The following ZNF536 variants were observed in gnomAD, a reference collection of about 807,000 sequenced individuals.
ZNF536 encodes the protein zinc finger protein 536.
In ZNF536, 13 loss-of-function variants were observed where a neutral mutation model predicts 84.5. The ratio of observed to expected loss-of-function variants is 0.15; its 90% confidence interval spans 0.10 to 0.24. ZNF536 has a LOEUF of 0.24. Among genes scored for constraint, ZNF536 ranks in the 10% least tolerant of loss-of-function variants. The pLI is 1.00. For missense variants in ZNF536, 1,536 were observed against 1,747.5 expected, an observed-to-expected ratio of 0.88 and a Z score of 2.16; for synonymous variants, 811 against 742.5, an observed-to-expected ratio of 1.09 and a Z score of -1.50.
At chr19:30,489,183 A>G (rs1367267414) in intron 2 of ZNF536, among the ~76,000 whole-genome samples, 1 of 152,206 alleles carries the variant, frequency 6.6e-6, no homozygotes, top group Admixed American at 6.5e-5. Flanking sequence ...GGGGAGCTCA[A>G]TTCAACAGGG....
At chr19:30,416,793 C>T (rs1028077033) in intron 1 of ZNF536, among the ~76,000 whole-genome samples, 1 of 152,084 alleles carries the variant, frequency 6.6e-6, no homozygotes, top group Non-Finnish European at 1.5e-5. Context: ...TTAGGTGATT[C>T]ATATTCTTAG....
chr19:30,511,170 G>C (rs565844539), intron 2 of ZNF536, among the ~76,000 whole-genome samples: 1 of 152,136 alleles, frequency 6.6e-6, no homozygotes, highest in Admixed American at 6.5e-5. Context: ...GTGGCTTGGC[G>C]AGGCTTTTTC....
chr19:30,571,340 C>T (rs2046538537), intron 1 of ZNF536, among the ~76,000 whole-genome samples: 3 of 152,110 alleles, frequency 2.0e-5, no homozygotes, highest in East Asian at 1.9e-4. Flanking sequence ...CAGGTCTGCT[C>T]GGGACTTCAG....
At chr19:30,638,175 GC>G (rs1441922303) in intron 1 of ZNF536, among the ~76,000 whole-genome samples, 2 of 152,220 alleles carry the variant, frequency 1.3e-5, no homozygotes, top group Non-Finnish European at 2.9e-5. Flanking sequence ...AGAAAGCCAG[GC>G]CAGGGTGGCT....
chr19:30,405,631 C>T (rs1019189209), intron 1 of ZNF536, among the ~76,000 whole-genome samples: 3 of 152,026 alleles, frequency 2.0e-5, no homozygotes, highest in South Asian at 2.1e-4. Flanking sequence ...TGTTTATGGG[C>T]GCAGTGTTGT....
At chr19:30,391,855 C>A (rs1347169) in intron 1 of ZNF536, among the ~76,000 whole-genome samples, 55,547 of 152,000 alleles carry the variant, frequency 0.37, 10,492 homozygotes, top group Middle Eastern at 0.54. Flanking sequence ...AATTGCCTCT[C>A]AAACTCCTGG....
intron 1 of ZNF536, among the ~76,000 whole-genome samples, chr19:30,667,556 T>C (rs964976764): frequency 2.6e-5 from 4 of 151,834 alleles, no homozygotes; most frequent in Non-Finnish European, 5.9e-5. Flanking sequence ...TCAAGGTTAA[T>C]TGAAGGGACT....
chr19:30,323,911 C>T (rs1483085762), intron 2 of ZNF536, among the ~76,000 whole-genome samples: 2 of 152,140 alleles, frequency 1.3e-5, no homozygotes, highest in Non-Finnish European at 2.9e-5. Context: ...ATCCCTCTTT[C>T]CCATTTTCTC....
intron 1 of ZNF536, among the ~76,000 whole-genome samples, chr19:30,576,760 G>A (rs1306527965): frequency 6.6e-6 from 1 of 152,178 alleles, no homozygotes; most frequent in Non-Finnish European, 1.5e-5. Flanking sequence ...GGTCCACGTG[G>A]GGACTGGAGG....
At chr19:30,584,344 G>A (rs530821637) in intron 1 of ZNF536, among the ~76,000 whole-genome samples, 2 of 152,192 alleles carry the variant, frequency 1.3e-5, no homozygotes, top group Non-Finnish European at 2.9e-5. Flanking sequence ...CCCCAGCAGC[G>A]GGAGGATAAG....
At chr19:30,436,472 CAA>C (rs34138701) in intron 1 of ZNF536, 14,087 of 826,424 alleles carry the variant, frequency 0.017, 238 homozygotes, top group African/African-American at 0.095. Context: ...TGTAAGAGAT[CAA>C]AAAAAAAAAA....
intron 2 of ZNF536, among the ~76,000 whole-genome samples, chr19:30,503,493 T>A (rs998852164): frequency 6.6e-6 from 1 of 152,248 alleles, no homozygotes; most frequent in Non-Finnish European, 1.5e-5. Context: ...ATGAAAGAAG[T>A]GGGCTACAAA....
At chr19:30,692,456 C>T (rs1337754891) in intron 1 of ZNF536, among the ~76,000 whole-genome samples, 1 of 152,176 alleles carries the variant, frequency 6.6e-6, no homozygotes, top group Non-Finnish European at 1.5e-5. Context: ...TGATTCTTTG[C>T]CAAAGAGGCA....
chr19:30,248,111 A>G (rs936913915), intron 1 of ZNF536, among the ~76,000 whole-genome samples: 10 of 152,220 alleles, frequency 6.6e-5, no homozygotes, highest in African/African-American at 1.9e-4. Context: ...CCAATAGAAA[A>G]TAGCAGAAGA....
At chr19:30,645,343 C>A (rs904770333) in intron 1 of ZNF536, among the ~76,000 whole-genome samples, 2 of 152,086 alleles carry the variant, frequency 1.3e-5, no homozygotes, top group South Asian at 4.2e-4. Context: ...ATGGTAGTTT[C>A]TTTTGCTGTG....
Position 30,548,780 on chromosome 19 carries a change from T to C in ZNF536, c.3161T>C (p.Leu1054Pro), listed in dbSNP as rs1309979602. The change falls in exon 4 of 5, where the codon CTG (leucine) becomes CCG (proline). Residue 1054 changes from leucine to proline, a missense_variant. Physicochemically the swap from Leu to Pro is moderately conservative, Grantham distance 98 (BLOSUM62 -3). This residue lies in a region of ZNF536 where 624 missense variants were observed against 603.1 expected (regional missense o/e 1.03). Transcript: ENST00000355537. ...QAREASKMAL[L>P]PSLQSNKDLG... ...CGGGAGGCGAGTAAGATGGCCCTGC[T>C]GCCCTCGTTACAATCAAACAAAGAC... The C allele has an allele frequency of 4.3e-6, 7 of 1,613,794 alleles. No individual in the cohort carries two copies. Among genetic ancestry groups the C allele is most frequent in the Admixed American group, 1.7e-5 (1 of 60,002 alleles).
chr19:30,438,114 G>A (rs1056491450), intron 1 of ZNF536, among the ~76,000 whole-genome samples: 4 of 152,014 alleles, frequency 2.6e-5, no homozygotes, highest in Non-Finnish European at 4.4e-5. Context: ...TTTTAGACTC[G>A]GGGGTACATG....
chr19:30,463,429 C>A (rs1365977381), intron 2 of ZNF536, among the ~76,000 whole-genome samples: 1 of 152,144 alleles, frequency 6.6e-6, no homozygotes, highest in Non-Finnish European at 1.5e-5. Flanking sequence ...GCCTCAAGCA[C>A]CTCCTGGAAG....
intron 1 of ZNF536, among the ~76,000 whole-genome samples, chr19:30,673,542 A>T (rs1238936361): frequency 6.6e-6 from 1 of 152,172 alleles, no homozygotes; most frequent in African/African-American, 2.4e-5. Context: ...CCCGCACAGC[A>T]CCATGGCCCT....
Sources: allele counts gnomAD v4.1 joint callset (sites outside exome capture counted in the v4.1 genomes callset), GRCh38; gene constraint gnomAD v4.1.1; regional missense constraint gnomAD v4.1.1; transcripts MANE v1.5; gene names NCBI Gene and HGNC (gene_info 2026-07-23, HGNC 2026-07-21).